DCAF8L2: variants seen among roughly 807,000 people sequenced by gnomAD.
DCAF8L2 encodes DDB1- and CUL4-associated factor 8-like protein 2.
For synonymous variants in DCAF8L2, 200 were observed against 190.9 expected (o/e 1.05, Z -0.39); for missense variants, 430 against 490.7 (o/e 0.88, Z 1.17).
intron 1 of DCAF8L2, among the ~76,000 whole-genome samples, chrX:27,595,446 C>A (rs1393460280): frequency 9.0e-6 from 1 of 111,507 alleles, no homozygotes; most frequent in Non-Finnish European, 1.9e-5. Flanking sequence ...CTCGAATGTT[C>A]TCCCCAGAGA....
At chrX:27,703,079 AAAC>A (rs1384491631) in intron 3 of DCAF8L2, among the ~76,000 whole-genome samples, 1 of 111,621 alleles carries the variant, frequency 9.0e-6, no homozygotes, top group Non-Finnish European at 1.9e-5. Context: ...GTAATTAAGA[AAAC>A]AATTACATTT....
At chrX:27,499,107 C>T in the DCAF8L2 span, among the ~76,000 whole-genome samples, 1 of 112,149 alleles carries the variant, frequency 8.9e-6, no homozygotes, top group Non-Finnish European at 1.9e-5. Context: ...ACTGCTGGAT[C>T]ATATGGTAGT....
the DCAF8L2 span, among the ~76,000 whole-genome samples, chrX:27,509,480 TA>T: frequency 8.9e-6 from 1 of 112,514 alleles, no homozygotes; most frequent in East Asian, 2.8e-4. Context: ...TTGTGACTTA[TA>T]AATAGTGACT....
chrX:27,552,610 A>G, the DCAF8L2 span, among the ~76,000 whole-genome samples: 3 of 111,822 alleles, frequency 2.7e-5, no homozygotes, highest in Non-Finnish European at 5.6e-5. Flanking sequence ...GGCTCTAGAT[A>G]CATGGATTTA....
chrX:27,739,257 T>A (rs1335257087), intron 4 of DCAF8L2, among the ~76,000 whole-genome samples: 1 of 111,282 alleles, frequency 9.0e-6, no homozygotes, highest in African/African-American at 3.3e-5. Flanking sequence ...GCCAAGCTTT[T>A]TTCTCATAAG....
chrX:27,592,259 C>T (rs1926127051), intron 1 of DCAF8L2, among the ~76,000 whole-genome samples: 2 of 112,322 alleles, frequency 1.8e-5, no homozygotes, highest in Admixed American at 9.4e-5. Context: ...GGCATCCTCA[C>T]ACAGCCTCCT....
the DCAF8L2 span, among the ~76,000 whole-genome samples, chrX:27,545,256 G>T: frequency 9.0e-6 from 1 of 111,400 alleles, no homozygotes; most frequent in African/African-American, 3.3e-5. Flanking sequence ...CTGGAAGAGG[G>T]AATATAACCT....
At chrX:27,731,112 G>T (rs1416149179) in intron 4 of DCAF8L2, among the ~76,000 whole-genome samples, 2 of 111,057 alleles carry the variant, frequency 1.8e-5, no homozygotes, top group African/African-American at 3.3e-5. Flanking sequence ...TTTAGGCTGG[G>T]CATGGCACAC....
In DCAF8L2 at chrX:27,668,535, A is replaced by T. The variant is rs183019017; in HGVS notation, c.-219-9301A>T. Among the ~76,000 whole-genome samples, 649 of 112,014 alleles carry T rather than the reference A, an allele frequency of 5.8e-3. 4 individuals are homozygous for T. Among genetic ancestry groups the T allele is most frequent in the African/African-American group, 0.02 (616 of 30,886 alleles). Reference sequence around the variant, plus strand: ...TGTGGCTCACACCTAGAGTTGTCTCAACCAGAGGAAAAAGGGACTGGAATA... The same window carrying T: ...TGTGGCTCACACCTAGAGTTGTCTCTACCAGAGGAAAAAGGGACTGGAATA... On this transcript the variant is annotated intron_variant, in intron 2 of 4. Coordinates refer to ENST00000451261, the MANE Select transcript of DCAF8L2 (RefSeq NM_001353450.2).
In DCAF8L2 at chrX:27,748,642, C is replaced by A; in HGVS notation, c.1747C>A (p.Leu583Ile). 8.3e-7 allele frequency: 1 copy of A among 1,199,765 alleles called. No homozygotes were observed. Among genetic ancestry groups the A allele is most frequent in the Non-Finnish European group, 1.1e-6 (1 of 888,345 alleles). Residue 583 changes from leucine (L) to isoleucine (I), a missense_variant, in exon 5 of 5, where the codon CTC (leucine) becomes ATC (isoleucine). By Grantham distance (5) the Leu-to-Ile change is conservative (BLOSUM62 2). Transcript: ENST00000451261. ...SLFDQYMLWF[L>I]LRHVTQRGRH... The stretch of plus-strand genomic sequence containing the variant: ...GTTTGACCAGTACATGCTTTGGTTC[C>A]TCCTGCGTCACGTGACGCAGAGAGG...
In DCAF8L2 at chrX:27,668,314, A is replaced by G. The variant is rs6628297; in HGVS notation, c.-219-9522A>G. Among the ~76,000 whole-genome samples the G allele has an allele frequency of 0.013, 1,426 of 112,081 alleles. 60 individuals carry two copies. In the East Asian group the frequency reaches 0.17, roughly 13 times the overall value. On this transcript the variant is annotated intron_variant, in intron 2 of 4. Coordinates refer to ENST00000451261, the MANE Select transcript of DCAF8L2 (RefSeq NM_001353450.2). Reference sequence around the variant, plus strand: ...TTCAAAAACAGACTCGAAGATGAGGATTCGTATGAAAGTGGCTTATCAGGC... The same window carrying G: ...TTCAAAAACAGACTCGAAGATGAGGGTTCGTATGAAAGTGGCTTATCAGGC...
At chrX:27,727,704 T>C (rs1483270207) in intron 4 of DCAF8L2, among the ~76,000 whole-genome samples, 2 of 111,858 alleles carry the variant, frequency 1.8e-5, no homozygotes, top group Admixed American at 9.6e-5. Flanking sequence ...GCTAAAATTT[T>C]TATTTAGATT....
the DCAF8L2 span, among the ~76,000 whole-genome samples, chrX:27,576,570 G>T: frequency 4.5e-5 from 5 of 111,543 alleles, no homozygotes; most frequent in Admixed American, 4.8e-4. Flanking sequence ...TCCACATCTG[G>T]AAAACCTGGC....
the DCAF8L2 span, among the ~76,000 whole-genome samples, chrX:27,473,320 A>T: frequency 8.9e-6 from 1 of 112,218 alleles, no homozygotes; most frequent in Admixed American, 9.5e-5. Flanking sequence ...TATCCTGAAC[A>T]GTTTTTCTTT....
chrX:27,729,226 A>T, intron 4 of DCAF8L2, among the ~76,000 whole-genome samples: 1 of 111,845 alleles, frequency 8.9e-6, no homozygotes, highest in East Asian at 2.8e-4. Context: ...CATGAAGAAG[A>T]CATGGGGGAA....
chrX:27,580,723 T>A, the DCAF8L2 span, among the ~76,000 whole-genome samples: 1 of 111,504 alleles, frequency 9.0e-6, no homozygotes, highest in Non-Finnish European at 1.9e-5. Flanking sequence ...CCAGTGGAAA[T>A]TTAAAAGGAA....
chrX:27,517,563 A>G, the DCAF8L2 span, among the ~76,000 whole-genome samples: 1 of 110,943 alleles, frequency 9.0e-6, no homozygotes, highest in Non-Finnish European at 1.9e-5. Flanking sequence ...CATTCCCTGG[A>G]CCAAAAGAAA....
the DCAF8L2 span, among the ~76,000 whole-genome samples, chrX:27,533,180 A>AGAGAGAGAGAGAGAGAGAGAGAG: frequency 5.4e-5 from 1 of 18,669 alleles, no homozygotes; most frequent in East Asian, 3.8e-3. Context: ...GAAAGAAAGA[A>AGAGAGAGAGAGAGAGAGAGAGAG]AGAAAGAAAG....
chrX:27,608,925 C>T (rs764706962), intron 1 of DCAF8L2, among the ~76,000 whole-genome samples: 2 of 110,544 alleles, frequency 1.8e-5, no homozygotes, highest in East Asian at 2.9e-4. Flanking sequence ...TGGTTTCAGC[C>T]GCACACACAA....
Sources: gnomAD v4.1 joint callset for allele counts (sites outside exome capture counted in the v4.1 genomes callset) on GRCh38, gnomAD v4.1.1 for gene constraint, MANE v1.5 for transcripts, NCBI Gene and HGNC (gene_info 2026-07-23, HGNC 2026-07-21) for gene names.